The following ANKS1B variants were observed in gnomAD, a reference collection of about 807,000 sequenced individuals.
ANKS1B encodes the protein ankyrin repeat and sterile alpha motif domain-containing protein 1B.
In ANKS1B, 36 loss-of-function variants were observed where a neutral mutation model predicts 148.3. That is an observed-to-expected ratio of 0.24 (90% CI 0.19 to 0.32). ANKS1B has a LOEUF of 0.32. Among genes scored for constraint, ANKS1B ranks in the 10% least tolerant of loss-of-function variants. The probability of loss-of-function intolerance (pLI) is 1.00; values close to 1 mark genes in which losing one functional copy is unlikely to be tolerated. For synonymous variants in ANKS1B, 542 were observed against 560.8 expected (o/e 0.97, Z 0.47); for missense variants, 1,157 against 1,542.6 (o/e 0.75, Z 4.19).
chr12:99,054,404 G>T (rs1039816549), intron 16 of ANKS1B, among the ~76,000 whole-genome samples: 9 of 152,118 alleles, frequency 5.9e-5, no homozygotes, highest in Non-Finnish European at 1.2e-4. Flanking sequence ...CTTAAACATG[G>T]TAAGCTTTCT....
At chr12:99,914,105 C>T (rs2094095093) in intron 1 of ANKS1B, among the ~76,000 whole-genome samples, 1 of 152,128 alleles carries the variant, frequency 6.6e-6, no homozygotes, top group Non-Finnish European at 1.5e-5. Context: ...TTCCTGGAAC[C>T]ACCTTGCACA....
intron 16 of ANKS1B, among the ~76,000 whole-genome samples, chr12:99,080,366 AC>A (rs1413974039): frequency 1.3e-5 from 2 of 152,212 alleles, no homozygotes; most frequent in African/African-American, 4.8e-5. Context: ...CAGCAGAGAA[AC>A]AACTCAAGCC....
At chr12:99,353,243 T>C (rs896139777) in intron 12 of ANKS1B, among the ~76,000 whole-genome samples, 3 of 152,030 alleles carry the variant, frequency 2.0e-5, no homozygotes, top group African/African-American at 7.2e-5. Context: ...CTTGGATGAA[T>C]CTCTTATCTC....
chr12:99,498,609 T>C (rs1222323585), intron 10 of ANKS1B, among the ~76,000 whole-genome samples: 1 of 152,184 alleles, frequency 6.6e-6, no homozygotes, highest in Non-Finnish European at 1.5e-5. Flanking sequence ...TTTTAACACA[T>C]TCTAAGCTCC....
rs190381814 is a variant in ANKS1B at position 99,178,668 on chromosome 12, G to C, written c.2420-24273C>G. On this transcript the variant is annotated intron_variant, in intron 14 of 26. Coordinates refer to ENST00000683438, the MANE Select transcript of ANKS1B (RefSeq NM_001352186.2). ...TATTGTTATTATATTTTTCTGCTTT[G>C]TTCATTATTTATTTTATATCAAATA... Among the ~76,000 whole-genome samples the C allele has an allele frequency of 1.1e-3, 169 of 151,930 alleles. 1 individual carries two copies. Among genetic ancestry groups the C allele is most frequent in the African/African-American group, 3.9e-3 (160 of 41,438 alleles).
At chr12:98,904,569 A>G (rs529663278) in intron 17 of ANKS1B, among the ~76,000 whole-genome samples, 1 of 152,352 alleles carries the variant, frequency 6.6e-6, no homozygotes, top group South Asian at 2.1e-4. Context: ...AGTCAGAATA[A>G]CACTTTTATG....
chr12:99,105,694 G>A lies in ANKS1B; in HGVS notation c.2527-20671C>T, dbSNP rs116948579. 4.1e-3 allele frequency among the ~76,000 whole-genome samples: 617 copies of A among 149,694 alleles called. 25 individuals are homozygous for A. In the East Asian group the frequency reaches 0.084, roughly 20 times the overall value. On this transcript the variant is annotated intron_variant, in intron 15 of 26. Coordinates refer to ENST00000683438, the MANE Select transcript of ANKS1B (RefSeq NM_001352186.2). ...TGAGGCAGGAGAATAGCGTGAACTC[G>A]GGAGGCAGGGCTTGCAGTGAGCCGA... is the stretch of plus-strand genomic sequence containing the variant.
At chr12:99,151,057 GA>G (rs1257375795) in intron 15 of ANKS1B, among the ~76,000 whole-genome samples, 2 of 152,150 alleles carry the variant, frequency 1.3e-5, no homozygotes, top group African/African-American at 2.4e-5. Flanking sequence ...TAAGGGCACA[GA>G]AGGATCTAAA....
intron 9 of ANKS1B, among the ~76,000 whole-genome samples, chr12:99,566,638 A>C (rs181934783): frequency 1.1e-4 from 16 of 152,292 alleles, no homozygotes; most frequent in Non-Finnish European, 1.5e-4. Context: ...TGATGGAACT[A>C]ACGGCTTTAT....
intron 9 of ANKS1B, among the ~76,000 whole-genome samples, chr12:99,547,579 C>T (rs2097182696): frequency 6.6e-6 from 1 of 152,118 alleles, no homozygotes; most frequent in African/African-American, 2.4e-5. Flanking sequence ...CTAATCCTTT[C>T]AAAGGCTCTA....
rs192447199 is a variant in ANKS1B, at chr12:99,464,438, C to A, written c.1439-20629G>T. On this transcript the variant is annotated intron_variant, in intron 10 of 26. Transcript: ENST00000683438. ...TCACCAGCAACAGAACAAAGCTGGACGGAGAATGACTTTGACGAGTTGAGA... is the reference window on the plus strand; with the variant it reads ...TCACCAGCAACAGAACAAAGCTGGAAGGAGAATGACTTTGACGAGTTGAGA... Among the ~76,000 whole-genome samples the A allele has an allele frequency of 1.2e-4, 18 of 152,260 alleles. No homozygotes were observed. In the East Asian group the frequency reaches 3.1e-3, roughly 26 times the overall value.
chr12:99,711,430 C>A (rs1292246557), intron 8 of ANKS1B, among the ~76,000 whole-genome samples: 2 of 151,976 alleles, frequency 1.3e-5, no homozygotes, highest in East Asian at 3.9e-4. Context: ...CTGATCCTCT[C>A]CACCCTTCCA....
intron 12 of ANKS1B, among the ~76,000 whole-genome samples, chr12:99,272,132 G>A (rs887170381): frequency 2.0e-5 from 3 of 152,082 alleles, no homozygotes; most frequent in African/African-American, 7.2e-5. Context: ...TCAATAAACA[G>A]TGTCTTCTAT....
intron 17 of ANKS1B, among the ~76,000 whole-genome samples, chr12:98,855,020 G>A (rs1463853369): frequency 2.0e-5 from 3 of 151,948 alleles, no homozygotes; most frequent in African/African-American, 4.8e-5. Flanking sequence ...TTAGCCGGGC[G>A]CGGTGGCGGG....
intron 17 of ANKS1B, among the ~76,000 whole-genome samples, chr12:98,996,065 T>C (rs1388876283): frequency 6.6e-6 from 1 of 152,078 alleles, no homozygotes. Flanking sequence ...GAATAGTTCC[T>C]GTCCCCAAAT....
At chr12:99,904,263 C>A (rs2093701936) in intron 1 of ANKS1B, among the ~76,000 whole-genome samples, 1 of 150,186 alleles carries the variant, frequency 6.7e-6, no homozygotes, top group African/African-American at 2.5e-5. Flanking sequence ...ATGATCTCAG[C>A]TCACTGCAAC....
At chr12:99,783,188 C>T (rs1235043523) in intron 4 of ANKS1B, among the ~76,000 whole-genome samples, 2 of 138,450 alleles carry the variant, frequency 1.4e-5, no homozygotes, top group African/African-American at 2.7e-5. Flanking sequence ...GAGAATCCAT[C>T]GCAAAAAAAA....
rs370890716 is a variant in ANKS1B, at chr12:99,682,639, C to T, written c.1129-27429G>A. On this transcript the variant is annotated intron_variant, in intron 8 of 26. Transcript: ENST00000683438. ...AAGGAAAGTTCATAGCATTAAATGC[C>T]TACATCAAAGAGTCTGAAAGAGCAC... Among the ~76,000 whole-genome samples the T allele has an allele frequency of 2.6e-5, 4 of 152,092 alleles. No homozygotes were observed. The East Asian group carries it at 7.7e-4, about 29-fold the overall frequency.
At chr12:99,924,258 T>C (rs1220365933) in intron 1 of ANKS1B, among the ~76,000 whole-genome samples, 1 of 152,158 alleles carries the variant, frequency 6.6e-6, no homozygotes, top group East Asian at 1.9e-4. Context: ...CATGAGTTTA[T>C]AATGCATGTC....
Sources: allele counts gnomAD v4.1 joint callset (sites outside exome capture counted in the v4.1 genomes callset), GRCh38; gene constraint gnomAD v4.1.1; transcripts MANE v1.5; gene names NCBI Gene and HGNC (gene_info 2026-07-23, HGNC 2026-07-21).